TARP: variants seen among roughly 807,000 people sequenced by gnomAD.
the TARP span, among the ~76,000 whole-genome samples, chr7:38,269,190 AC>A: frequency 6.6e-6 from 1 of 151,772 alleles, no homozygotes; most frequent in South Asian, 2.1e-4. Context: ...TCACAAACTT[AC>A]CTGTCATAAT....
the TARP span, among the ~76,000 whole-genome samples, chr7:38,262,952 C>G: frequency 6.6e-6 from 1 of 151,726 alleles, no homozygotes. Flanking sequence ...AGCCACCACA[C>G]TCGGCCAAGA....
At chr7:38,268,288 T>A in the TARP span, among the ~76,000 whole-genome samples, 1 of 151,684 alleles carries the variant, frequency 6.6e-6, no homozygotes, top group Admixed American at 6.6e-5. Context: ...TGAGTTAAAT[T>A]GCCTAAGTTG....
chr7:38,265,623 A>G, the TARP span: 1 of 1,610,866 alleles, frequency 6.2e-7, no homozygotes, highest in African/African-American at 1.4e-5. Flanking sequence ...TTGTTTCAGC[A>G]ATTGAAGGAA....
chr7:38,261,100 G>A, the TARP span, among the ~76,000 whole-genome samples: 10 of 151,666 alleles, frequency 6.6e-5, no homozygotes, highest in East Asian at 5.8e-4. Context: ...GAAAACTGTT[G>A]CTCACAAAAT....
the TARP span, among the ~76,000 whole-genome samples, chr7:38,270,857 G>T: frequency 2.0e-5 from 3 of 150,930 alleles, no homozygotes; most frequent in Admixed American, 6.7e-5. Flanking sequence ...GAAGTTGAAG[G>T]CACTGCCCAC....
At chr7:38,273,233 G>T in the TARP span, among the ~76,000 whole-genome samples, 2 of 131,488 alleles carry the variant, frequency 1.5e-5, no homozygotes, top group East Asian at 2.2e-4. Flanking sequence ...AATAAGGAGG[G>T]TAGCTGATTT....
the TARP span, among the ~76,000 whole-genome samples, chr7:38,270,754 C>T: frequency 1.3e-5 from 2 of 150,736 alleles, no homozygotes; most frequent in Admixed American, 6.7e-5. Flanking sequence ...TCACCATCTG[C>T]GCATTTCATT....
chr7:38,261,548 T>A, the TARP span, among the ~76,000 whole-genome samples: 18 of 151,252 alleles, frequency 1.2e-4, 1 homozygote, highest in South Asian at 3.8e-3. Context: ...AGAAGCAACA[T>A]GGTATCATGT....
chr7:38,260,603 T>C, the TARP span, among the ~76,000 whole-genome samples: 96 of 151,700 alleles, frequency 6.3e-4, no homozygotes, highest in Non-Finnish European at 9.4e-4. Context: ...TTGCATTTAA[T>C]ATTATTTGAG....
At chr7:38,262,140 T>A in the TARP span, 572,177 of 1,590,356 alleles carry the variant, frequency 0.36, 107,252 homozygotes, top group African/African-American at 0.57. Flanking sequence ...AACAAAATGA[T>A]CAGGAGGAAG....
the TARP span, among the ~76,000 whole-genome samples, chr7:38,270,290 G>A: frequency 6.6e-6 from 1 of 151,786 alleles, no homozygotes; most frequent in Non-Finnish European, 1.5e-5. Context: ...TAAGCAGGAG[G>A]AATAATTTCT....
At chr7:38,260,708 C>T in the TARP span, among the ~76,000 whole-genome samples, 2 of 151,774 alleles carry the variant, frequency 1.3e-5, no homozygotes, top group African/African-American at 4.9e-5. Context: ...TGAGTCTCTA[C>T]CTGAGAAAAT....
chr7:38,271,961 A>G, the TARP span, among the ~76,000 whole-genome samples: 3,377 of 151,546 alleles, frequency 0.022, 85 homozygotes, highest in Middle Eastern at 0.099. Flanking sequence ...CTGTAGCCCT[A>G]TAAATTTACA....
At chr7:38,266,091 G>A in the TARP span, among the ~76,000 whole-genome samples, 1 of 151,270 alleles carries the variant, frequency 6.6e-6, no homozygotes, top group Non-Finnish European at 1.5e-5. Context: ...AGGGGAAAGT[G>A]GAAGGTCAGA....
At chr7:38,270,970 A>T in the TARP span, among the ~76,000 whole-genome samples, 1 of 150,956 alleles carries the variant, frequency 6.6e-6, no homozygotes, top group Non-Finnish European at 1.5e-5. Flanking sequence ...CTTTTTATCA[A>T]TTAGTAAGAT....
At chr7:38,263,954 T>A in the TARP span, among the ~76,000 whole-genome samples, 29,042 of 139,576 alleles carry the variant, frequency 0.21, 1 homozygote, top group African/African-American at 0.38. Context: ...ATTTTCCTCA[T>A]GGTGACTTCA....
chr7:38,272,866 C>T, the TARP span, among the ~76,000 whole-genome samples: 2 of 151,100 alleles, frequency 1.3e-5, no homozygotes, highest in African/African-American at 2.4e-5. Context: ...CGGAAGGTCA[C>T]TTTTTAACTT....
the TARP span, chr7:38,265,528 C>A: frequency 6.2e-7 from 1 of 1,612,132 alleles, no homozygotes. Flanking sequence ...AATCGTGTTG[C>A]TCTTCTTTTC....
the TARP span, among the ~76,000 whole-genome samples, chr7:38,261,305 A>T: frequency 7.3e-5 from 11 of 151,690 alleles, no homozygotes; most frequent in African/African-American, 2.7e-4. Context: ...TGATGGCCTG[A>T]TTTGAAATCC....
Sources: gnomAD v4.1 joint callset for allele counts (sites outside exome capture counted in the v4.1 genomes callset) on GRCh38, gnomAD v4.1.1 for gene constraint, MANE v1.5 for transcripts.